The following CACNA2D3 variants were observed in gnomAD, a reference collection of about 807,000 sequenced individuals.
CACNA2D3 encodes the protein calcium voltage-gated channel auxiliary subunit alpha2delta 3.
Under a neutral mutation model 160.6 loss-of-function variants are expected in CACNA2D3, and 60 were observed. That is an observed-to-expected ratio of 0.37 (90% CI 0.30 to 0.46). CACNA2D3 has a LOEUF of 0.46. Ranked by LOEUF, CACNA2D3 falls within the 20% of genes least tolerant of loss-of-function variation. The probability of loss-of-function intolerance (pLI) is 1.00; values close to 1 mark genes in which losing one functional copy is unlikely to be tolerated. For synonymous variants in CACNA2D3, 558 were observed against 492.9 expected, an observed-to-expected ratio of 1.13 and a Z score of -1.75; for missense variants, 1,205 against 1,365.0, an observed-to-expected ratio of 0.88 and a Z score of 1.85.
intron 2 of CACNA2D3, among the ~76,000 whole-genome samples, chr3:54,156,144 A>T (rs1188323580): frequency 6.6e-6 from 1 of 152,172 alleles, no homozygotes; most frequent in African/African-American, 2.4e-5. Flanking sequence ...TAGATCCTGA[A>T]TTGGTGATCT....
chr3:54,640,416 A>G (rs966236538), intron 10 of CACNA2D3, among the ~76,000 whole-genome samples: 3 of 152,176 alleles, frequency 2.0e-5, no homozygotes, highest in Non-Finnish European at 4.4e-5. Context: ...TTTAAAGGAC[A>G]TGGTATTACT....
intron 10 of CACNA2D3, chr3:54,632,410 T>C: frequency 6.6e-6 from 1 of 152,214 alleles, no homozygotes; most frequent in Non-Finnish European, 1.5e-5. Context: ...ACCTGAAGCA[T>C]AGATTACTTT....
intron 17 of CACNA2D3, among the ~76,000 whole-genome samples, chr3:54,847,889 C>T (rs193042774): frequency 6.6e-6 from 1 of 152,280 alleles, no homozygotes; most frequent in East Asian, 1.9e-4. Flanking sequence ...GTTTGGACTC[C>T]TAGTGTGTAT....
intron 5 of CACNA2D3, among the ~76,000 whole-genome samples, chr3:54,561,295 C>G (rs752826373): frequency 2.0e-5 from 3 of 152,122 alleles, no homozygotes; most frequent in Non-Finnish European, 4.4e-5. Context: ...TTTCACCTCC[C>G]TAGTTAGCTA....
chr3:54,781,673 A>G lies in CACNA2D3; in HGVS notation c.1380+17322A>G, dbSNP rs1702540079. ...ACATGTTAAAATATTTTTAGTAGTT[A>G]TTGGCATCCTCCAACATTTAGCAGT... is the stretch of plus-strand genomic sequence containing the variant. On this transcript the variant is annotated intron_variant, in intron 13 of 37. Transcript: ENST00000474759. 2.6e-5 allele frequency among the ~76,000 whole-genome samples: 4 copies of G among 152,354 alleles called. No individual in the cohort carries two copies. The South Asian group carries it at 8.3e-4, about 32-fold the overall frequency.
chr3:54,893,384 A>G (rs1163484272), intron 25 of CACNA2D3, among the ~76,000 whole-genome samples: 1 of 151,312 alleles, frequency 6.6e-6, no homozygotes, highest in African/African-American at 2.4e-5. Flanking sequence ...CAGAGTGGGT[A>G]CTCATTGACA....
At chr3:54,161,286 C>T (rs774800089) in intron 2 of CACNA2D3, among the ~76,000 whole-genome samples, 6 of 152,200 alleles carry the variant, frequency 3.9e-5, no homozygotes, top group East Asian at 1.9e-4. Flanking sequence ...CTTACACTGC[C>T]GTGGCCATAC....
intron 23 of CACNA2D3, among the ~76,000 whole-genome samples, chr3:54,886,217 C>T (rs989274594): frequency 6.6e-6 from 1 of 151,948 alleles, no homozygotes; most frequent in African/African-American, 2.4e-5. Context: ...CTGCCCCCAC[C>T]TCTAACAAGC....
At chr3:54,293,410 C>T (rs924477328) in intron 2 of CACNA2D3, among the ~76,000 whole-genome samples, 4 of 152,028 alleles carry the variant, frequency 2.6e-5, no homozygotes, top group African/African-American at 7.2e-5. Context: ...GCCTTTATGT[C>T]CTCATAGCTT....
At chr3:54,479,413 C>A (rs182631505) in intron 4 of CACNA2D3, among the ~76,000 whole-genome samples, 1 of 152,196 alleles carries the variant, frequency 6.6e-6, no homozygotes, top group Admixed American at 6.5e-5. Context: ...GGACATATCC[C>A]CTGAGAATGA....
rs75314763 is a variant in CACNA2D3, at chr3:54,449,195, A to G, written c.382-54297A>G. ...TAATCACACTCCATTAATACCTCTT[A>G]TAGAGTGAATGGACAAACCACAAGA... On this transcript the variant is annotated intron_variant, in intron 4 of 37. Transcript: ENST00000474759. Among the ~76,000 whole-genome samples the G allele has an allele frequency of 1.1e-3, 161 of 152,320 alleles. 3 individuals are homozygous for G. In the East Asian group the frequency reaches 0.03, roughly 28 times the overall value.
chr3:55,016,071 T>A (rs996548213), intron 34 of CACNA2D3, among the ~76,000 whole-genome samples: 2 of 152,202 alleles, frequency 1.3e-5, no homozygotes, highest in African/African-American at 2.4e-5. Context: ...ATTCTTGTAT[T>A]CAGCAGGCAT....
At chr3:54,397,627 T>C (rs1419464984) in intron 4 of CACNA2D3, among the ~76,000 whole-genome samples, 3 of 102,666 alleles carry the variant, frequency 2.9e-5, no homozygotes, top group East Asian at 6.4e-4. Flanking sequence ...TTGAGCGGCT[T>C]TGAGTGAGAT....
chr3:54,970,380 TTTCTTTTCTTTC>T (rs1043236607), intron 29 of CACNA2D3, among the ~76,000 whole-genome samples: 2 of 151,446 alleles, frequency 1.3e-5, no homozygotes, highest in Non-Finnish European at 2.9e-5. Context: ...TCTTTTCTTT[TTTCTTTTCTTTC>T]TCCTCTTCTG....
chr3:54,746,722 A>G (rs995889929), intron 11 of CACNA2D3, among the ~76,000 whole-genome samples: 16 of 152,178 alleles, frequency 1.1e-4, no homozygotes, highest in Non-Finnish European at 1.9e-4. Flanking sequence ...TCTTTTTTCT[A>G]TAAAAATATA....
chr3:54,463,177 A>G (rs1469756253), intron 4 of CACNA2D3, among the ~76,000 whole-genome samples: 7 of 151,884 alleles, frequency 4.6e-5, no homozygotes, highest in Admixed American at 2.0e-4. Flanking sequence ...CTTTGTGGGT[A>G]ACCCGACCTT....
At chr3:54,987,382 C>G (rs1702637501) in intron 30 of CACNA2D3, among the ~76,000 whole-genome samples, 1 of 152,168 alleles carries the variant, frequency 6.6e-6, no homozygotes, top group African/African-American at 2.4e-5. Flanking sequence ...ACTACCTACT[C>G]CATCCAAGGG....
chr3:54,909,643 ATT>A (rs759615370), intron 27 of CACNA2D3, among the ~76,000 whole-genome samples: 5,551 of 123,736 alleles, frequency 0.045, 282 homozygotes, highest in African/African-American at 0.13. Flanking sequence ...TTTTTTTGTG[ATT>A]TTTTTTTTTT....
At chr3:54,122,908 G>C in intron 1 of CACNA2D3, 73 bp downstream of exon 1, 1 of 1,169,912 alleles carries the variant, frequency 8.5e-7, no homozygotes, top group Non-Finnish European at 1.1e-6. Context: ...AAGTTTGGGC[G>C]CCTGCAGGTG....
Sources: allele counts gnomAD v4.1 joint callset (sites outside exome capture counted in the v4.1 genomes callset), GRCh38; gene constraint gnomAD v4.1.1; transcripts MANE v1.5; gene names NCBI Gene and HGNC (gene_info 2026-07-23, HGNC 2026-07-21).